Variants in NPAS3 observed in about 807,000 individuals in gnomAD.
NPAS3 encodes neuronal PAS domain-containing protein 3.
Under a neutral mutation model 73.1 loss-of-function variants are expected in NPAS3, and 14 were observed. The ratio of observed to expected loss-of-function variants is 0.19; its 90% CI spans 0.13 to 0.30. The LOEUF is 0.30. Among genes scored for constraint, NPAS3 ranks in the 10% least tolerant of loss-of-function variants. The pLI is 1.00. For synonymous variants in NPAS3, 620 were observed against 541.5 expected, an observed-to-expected ratio of 1.14 and a Z score of -2.01; for missense variants, 1,096 against 1,250.0, an observed-to-expected ratio of 0.88 and a Z score of 1.86.
At chr14:33,320,597 G>A (rs1282467002) in intron 3 of NPAS3, among the ~76,000 whole-genome samples, 2 of 152,172 alleles carry the variant, frequency 1.3e-5, no homozygotes, top group East Asian at 1.9e-4. Flanking sequence ...GACACAGGAT[G>A]TGATTTGGCT....
At position 33,162,417 on chromosome 14, in the gene NPAS3, A is replaced by G. The variant is rs61595796; in HGVS notation, c.141-52765A>G. 8.9e-3 allele frequency among the ~76,000 whole-genome samples: 1,355 copies of G among 152,216 alleles called. 24 individuals carry two copies. The highest frequency in any genetic ancestry group is 0.031 in the African/African-American group (1,304 of 41,530). On this transcript the variant is annotated intron_variant, in intron 2 of 11. Coordinates refer to ENST00000356141, the Ensembl canonical transcript of NPAS3. ...GTTTCACACTGATGAGGGCATTTTT[A>G]TTTACATAGCCTCAGGTCACTATCA...
At chr14:33,332,207 G>A (rs1016115649) in intron 3 of NPAS3, among the ~76,000 whole-genome samples, 1 of 152,026 alleles carries the variant, frequency 6.6e-6, no homozygotes, top group South Asian at 2.1e-4. Context: ...TATTTCTTTC[G>A]CTCACTAAAT....
intron 6 of NPAS3, among the ~76,000 whole-genome samples, chr14:33,720,851 T>A (rs1490510579): frequency 6.6e-6 from 1 of 152,140 alleles, no homozygotes; most frequent in East Asian, 1.9e-4. Context: ...GAATCCTCAA[T>A]CATTTGTTAA....
At chr14:33,360,397 T>TG (rs1355523830) in intron 3 of NPAS3, among the ~76,000 whole-genome samples, 2 of 152,236 alleles carry the variant, frequency 1.3e-5, no homozygotes, top group Non-Finnish European at 2.9e-5. Flanking sequence ...TCCATATCTC[T>TG]GCTGGGAATT....
chr14:33,604,708 A>G (rs2057502526), intron 5 of NPAS3, among the ~76,000 whole-genome samples: 2 of 152,140 alleles, frequency 1.3e-5, no homozygotes, highest in South Asian at 4.1e-4. Flanking sequence ...TCTGAGCCAT[A>G]AAGTACATCT....
At chr14:33,535,276 T>A (rs1010414400) in intron 4 of NPAS3, among the ~76,000 whole-genome samples, 1 of 152,214 alleles carries the variant, frequency 6.6e-6, no homozygotes, top group Non-Finnish European at 1.5e-5. Context: ...GCAGTACCCT[T>A]AGGCATATGA....
intron 4 of NPAS3, among the ~76,000 whole-genome samples, chr14:33,368,104 G>A (rs10483439): frequency 0.16 from 23,907 of 151,740 alleles, 2,396 homozygotes; most frequent in East Asian, 0.36. Context: ...TATGTAGGCC[G>A]CTTACTGTAT....
At chr14:33,151,748 G>C (rs990372398) in intron 2 of NPAS3, among the ~76,000 whole-genome samples, 1 of 152,088 alleles carries the variant, frequency 6.6e-6, no homozygotes, top group Non-Finnish European at 1.5e-5. Context: ...TAGGTGAGAG[G>C]ATATGTTCCT....
intron 4 of NPAS3, among the ~76,000 whole-genome samples, chr14:33,508,371 C>A (rs2052875761): frequency 6.6e-6 from 1 of 151,958 alleles, no homozygotes; most frequent in Admixed American, 6.6e-5. Flanking sequence ...CACTATGAAG[C>A]AGTGAAGCAA....
chr14:33,050,486 C>G (rs2138487723), intron 1 of NPAS3, among the ~76,000 whole-genome samples: 1 of 152,242 alleles, frequency 6.6e-6, no homozygotes, highest in Non-Finnish European at 1.5e-5. Context: ...ATGGCTGTCT[C>G]CGAATTCTGC....
chr14:33,561,209 C>T (rs759243184), intron 5 of NPAS3, among the ~76,000 whole-genome samples: 1 of 152,216 alleles, frequency 6.6e-6, no homozygotes, highest in Non-Finnish European at 1.5e-5. Context: ...AGACTCGTTG[C>T]TTCTGAAAGT....
At chr14:33,756,281 A>G (rs2062113379) in intron 7 of NPAS3, among the ~76,000 whole-genome samples, 1 of 152,222 alleles carries the variant, frequency 6.6e-6, no homozygotes, top group African/African-American at 2.4e-5. Context: ...CACCTACTAC[A>G]TAGTGAATGC....
At chr14:33,579,073 G>T (rs527956203) in intron 5 of NPAS3, among the ~76,000 whole-genome samples, 23 of 152,154 alleles carry the variant, frequency 1.5e-4, no homozygotes, top group Non-Finnish European at 3.1e-4. Context: ...CCTCATACAT[G>T]GTTTCTCAAT....
At chr14:33,147,571 C>T (rs922296800) in intron 2 of NPAS3, among the ~76,000 whole-genome samples, 5 of 141,960 alleles carry the variant, frequency 3.5e-5, no homozygotes, top group Non-Finnish European at 6.1e-5. Context: ...CATCACACAC[C>T]GGGGCCTGTT....
At chr14:32,937,872 G>A (rs368259232), upstream of NPAS3, among the ~76,000 whole-genome samples, 57 of 152,188 alleles carry the variant, frequency 3.7e-4, no homozygotes, top group East Asian at 0.01. Flanking sequence ...CTGTCCACAC[G>A]CTTCTGATTG....
At chr14:33,635,778 C>G (rs1030409046) in intron 5 of NPAS3, among the ~76,000 whole-genome samples, 1 of 152,220 alleles carries the variant, frequency 6.6e-6, no homozygotes, top group African/African-American at 2.4e-5. Flanking sequence ...TGCCCCACTC[C>G]CTGCCAACTT....
intron 6 of NPAS3, among the ~76,000 whole-genome samples, chr14:33,696,317 C>T (rs1047753177): frequency 1.3e-5 from 2 of 152,164 alleles, no homozygotes; most frequent in Non-Finnish European, 2.9e-5. Flanking sequence ...TATTCTACTC[C>T]TGGTTCTGTC....
chr14:33,470,996 A>T (rs559145485), intron 4 of NPAS3, among the ~76,000 whole-genome samples: 1 of 151,724 alleles, frequency 6.6e-6, no homozygotes, highest in East Asian at 1.9e-4. Context: ...AATCTACCTC[A>T]TGGCTTTGAG....
chr14:33,532,924 A>G (rs1351776379), intron 4 of NPAS3, among the ~76,000 whole-genome samples: 1 of 152,130 alleles, frequency 6.6e-6, no homozygotes, highest in Non-Finnish European at 1.5e-5. Context: ...GCTTTCAAAA[A>G]TGATACTGAG....
Sources: allele counts gnomAD v4.1 joint callset (sites outside exome capture counted in the v4.1 genomes callset), GRCh38; gene constraint gnomAD v4.1.1; transcripts MANE v1.5; gene names NCBI Gene and HGNC (gene_info 2026-07-23, HGNC 2026-07-21).